MKRN3: variants seen among roughly 807,000 people sequenced by gnomAD.
The protein encoded by MKRN3 is makorin ring finger protein 3, also known as E3 ubiquitin-protein ligase makorin-3.
For missense variants in MKRN3, 749 were observed against 667.0 expected, an observed-to-expected ratio of 1.12 and a Z score of -1.35; for synonymous variants, 301 against 250.2, an observed-to-expected ratio of 1.20 and a Z score of -1.91.
rs1889099726 is a variant in MKRN3, at chr15:23,566,514, C to T, written c.732C>T (p.Cys244=). The T allele has an allele frequency of 6.2e-6, 10 of 1,614,176 alleles. No individual in the cohort carries two copies. The East Asian group carries it at 2.2e-4, about 36-fold the overall frequency. The change falls in exon 1 of 1, where the codon TGC becomes TGT. Residue 244 remains cysteine (C), a synonymous_variant. Coordinates refer to ENST00000314520, the MANE Select transcript of MKRN3 (RefSeq NM_005664.4). The part of the protein sequence containing the change: ...QMAVGSGLRF[C]YYASRGVCFR... ...CTGTGGGCAGTGGGTTGCGGTTTTG[C>T]TATTATGCTTCCAGGGGAGTTTGCT...
At position 23,568,032 on chromosome 15, in the gene MKRN3, A is replaced by G. The variant is rs1889143000; in HGVS notation, c.*726A>G. On this transcript the variant is annotated 3_prime_UTR_variant, in exon 1 of 1. Coordinates refer to ENST00000314520, the MANE Select transcript of MKRN3 (RefSeq NM_005664.4). ...ATACAGAGCTGAAAGCTGAAGGTCAAAGCCTAACAGGATTGGCTGTTGTGT... is the reference window on the plus strand; with the variant it reads ...ATACAGAGCTGAAAGCTGAAGGTCAGAGCCTAACAGGATTGGCTGTTGTGT... 1 of 630,798 alleles carries G rather than the reference A, an allele frequency of 1.6e-6. No homozygotes were observed. Among genetic ancestry groups the G allele is most frequent in the South Asian group, 7.2e-5 (1 of 13,966 alleles). 39.1% of individuals were successfully genotyped at this position (630,798 alleles called of 1,614,324 possible).
chr15:23,567,867 A>G lies in MKRN3; in HGVS notation c.*561A>G, dbSNP rs932239180. 11 of 954,112 alleles carry G rather than the reference A, an allele frequency of 1.2e-5. No individual in the cohort carries two copies. Among genetic ancestry groups the G allele is most frequent in the Non-Finnish European group, 1.3e-5 (10 of 788,492 alleles). The allele number at this position is 954,112 out of a possible 1,614,324, so 59.1% of individuals were successfully genotyped here. A position where few individuals can be genotyped will look rare whatever the true frequency, so the allele number is the denominator to read the frequency against. ...ATGTTTTTATCCTGTTTAGCTTGACATGAAATAATTTATATTTGGAAATAT... is the reference window on the plus strand; with the variant it reads ...ATGTTTTTATCCTGTTTAGCTTGACGTGAAATAATTTATATTTGGAAATAT... On this transcript the variant is annotated 3_prime_UTR_variant, in exon 1 of 1. Coordinates refer to ENST00000314520, the MANE Select transcript of MKRN3 (RefSeq NM_005664.4).
At position 23,566,477 on chromosome 15, in the gene MKRN3, G is replaced by A. The variant is rs749975105; in HGVS notation, c.695G>A (p.Arg232Lys). 6.2e-7 allele frequency: 1 copy of A among 1,614,122 alleles called. No homozygotes were observed. The highest frequency in any genetic ancestry group is 1.1e-5 in the South Asian group (1 of 91,086). Reference sequence around the variant, plus strand: ...CCTCTACAGAGCTCAGAGACTGAGAGGAAGCAGATGGCTGTGGGCAGTGGG... The same window carrying A: ...CCTCTACAGAGCTCAGAGACTGAGAAGAAGCAGATGGCTGTGGGCAGTGGG... The part of the protein sequence containing the change: ...EAPLQSSETE[R>K]KQMAVGSGLR... The change falls in exon 1 of 1, where the codon AGG (arginine) becomes AAG (lysine). Residue 232 changes from arginine to lysine, a missense_variant. Coordinates refer to ENST00000314520, the MANE Select transcript of MKRN3 (RefSeq NM_005664.4).
rs1428769772 is a variant in MKRN3, at chr15:23,567,385, T to TA, written c.*80dup. On this transcript the variant is annotated 3_prime_UTR_variant, in exon 1 of 1. Transcript: ENST00000314520. ...CCTGTTTTCCCTGTGTTGACACTCT[T>TA]ACTGCTTTCAGGGGCTGTTGAGGCA... The TA allele has an allele frequency of 6.4e-6, 10 of 1,555,774 alleles. No individual in the cohort carries two copies. Among genetic ancestry groups the TA allele is most frequent in the Admixed American group, 1.9e-5 (1 of 53,054 alleles).
chr15:23,567,679 CT>C lies in MKRN3; in HGVS notation c.*374del. On this transcript the variant is annotated 3_prime_UTR_variant, in exon 1 of 1. Transcript: ENST00000314520. ...TTTTAATTGAACTAGTAGCTTTGTGCTATAATAGCCTTAACAAATGGACCCT... is the reference window on the plus strand; with the variant it reads ...TTTTAATTGAACTAGTAGCTTTGTGCATAATAGCCTTAACAAATGGACCCT... 2.9e-6 allele frequency: 3 copies of C among 1,052,426 alleles called. No individual in the cohort carries two copies. The highest frequency in any genetic ancestry group is 3.5e-6 in the Non-Finnish European group (3 of 862,898). 65.2% of individuals were successfully genotyped at this position (1,052,426 alleles called of 1,614,324 possible).
chr15:23,566,166 T>A lies in MKRN3; in HGVS notation c.384T>A (p.Thr128=). 6.2e-7 allele frequency: 1 copy of A among 1,614,018 alleles called. No individual in the cohort carries two copies. Among genetic ancestry groups the A allele is most frequent in the Non-Finnish European group, 8.5e-7 (1 of 1,180,000 alleles). Residue 128 remains threonine (T), a synonymous_variant, in exon 1 of 1, where the codon ACT becomes ACA. Transcript: ENST00000314520. ...ACCTTTCTGGTCGGAAGATGGCCAC[T>A]GAGGGTGGCGTTTCGCCGCCTGGGG... ...SHDLSGRKMA[T]EGGVSPPGAS... is the part of the protein sequence containing the mutation.
chr15:23,566,910 C>T lies in MKRN3; in HGVS notation c.1128C>T (p.Phe376=), dbSNP rs1889109770. 6.2e-7 allele frequency: 1 copy of T among 1,614,188 alleles called. No individual in the cohort carries two copies. The highest frequency in any genetic ancestry group is 8.5e-7 in the Non-Finnish European group (1 of 1,180,044). ...VTSELVIPSE[F]WVEEEEEKQK... is the part of the protein sequence containing the mutation. ...CTGAATTGGTCATTCCCAGTGAGTT[C>T]TGGGTGGAGGAGGAGGAAGAGAAGC... is the stretch of plus-strand genomic sequence containing the variant. Residue 376 remains phenylalanine, a synonymous_variant, in exon 1 of 1, where the codon TTC becomes TTT. Coordinates refer to ENST00000314520, the MANE Select transcript of MKRN3 (RefSeq NM_005664.4).
At position 23,567,275 on chromosome 15, in the gene MKRN3, A is replaced by T. The variant is rs978063541; in HGVS notation, c.1493A>T (p.Glu498Val). ...SEDQWDLLHYELEEYFNLIL is the reference protein window; with the variant it reads ...SEDQWDLLHYVLEEYFNLIL The stretch of plus-strand genomic sequence containing the variant: ...GACCAGTGGGACTTGCTTCATTATG[A>T]GCTGGAAGAATATTTCAATTTGATT... The change falls in exon 1 of 1, where the codon GAG becomes GTG. Residue 498 changes from glutamate to valine, a missense_variant. Glu to Val is a moderately radical substitution (Grantham distance 121). Transcript: ENST00000314520. 1 of 1,614,146 alleles carries T rather than the reference A, an allele frequency of 6.2e-7. No homozygotes were observed. The highest frequency in any genetic ancestry group is 1.7e-5 in the Admixed American group (1 of 60,024).
rs1225593706 is a variant in MKRN3 at position 23,567,146 on chromosome 15, A to G, written c.1364A>G (p.Asn455Ser). 1.2e-6 allele frequency: 2 copies of G among 1,614,208 alleles called. No individual in the cohort carries two copies. The highest frequency in any genetic ancestry group is 2.2e-5 in the East Asian group (1 of 44,880). The change falls in exon 1 of 1, where the codon AAC becomes AGC. Residue 455 changes from asparagine (N) to serine (S), a missense_variant. Coordinates refer to ENST00000314520, the MANE Select transcript of MKRN3 (RefSeq NM_005664.4). ...GAGCCTGTGCGAATGGGAGAGGGCAACATGCTCTATAAAAGCATTAAGAAG... is the reference window on the plus strand; with the variant it reads ...GAGCCTGTGCGAATGGGAGAGGGCAGCATGCTCTATAAAAGCATTAAGAAG... ...LVEPVRMGEGNMLYKSIKKEL... is the reference protein window; with the variant it reads ...LVEPVRMGEGSMLYKSIKKEL...
Position 23,567,316 on chromosome 15 carries a change from G to A in MKRN3, c.*10G>A. The A allele has an allele frequency of 6.2e-7, 1 of 1,612,576 alleles. No individual in the cohort carries two copies. The highest frequency in any genetic ancestry group is 8.5e-7 in the Non-Finnish European group (1 of 1,179,076). On this transcript the variant is annotated 3_prime_UTR_variant, in exon 1 of 1. Coordinates refer to ENST00000314520, the MANE Select transcript of MKRN3 (RefSeq NM_005664.4). ...CAATTTGATTCTGTAGCATCGTGCT[G>A]TGGCATGTGGTCTAGTCTGCTGAGG...
rs879255240 is a variant in MKRN3, at chr15:23,566,877, G to C, written c.1095G>C (p.Arg365Ser). The C allele has an allele frequency of 6.2e-7, 1 of 1,614,206 alleles. No individual in the cohort carries two copies. Among genetic ancestry groups the C allele is most frequent in the Admixed American group, 1.7e-5 (1 of 60,024 alleles). Residue 365 changes from arginine (R) to serine (S), a missense_variant, in exon 1 of 1, where the codon AGG (arginine) becomes AGC (serine). Arg to Ser is a moderately radical substitution (Grantham distance 110). Transcript: ENST00000314520. ...TCGTCAAGTCTTGCCCACAGTGCAG[G>C]GTCACCTCTGAATTGGTCATTCCCA... ...NRIVKSCPQC[R>S]VTSELVIPSE...
Position 23,566,430 on chromosome 15 carries a change from G to A in MKRN3, c.648G>A (p.Trp216Ter), listed in dbSNP as rs748593317. Reference sequence around the variant, plus strand: ...CAGGGCAGCCCTACCGGGGCCGCTGGGTTGCATCTGCCCCCGAGGCTCCTC... The same window carrying A: ...CAGGGCAGCCCTACCGGGGCCGCTGAGTTGCATCTGCCCCCGAGGCTCCTC... ...FVPGQPYRGRWVASAPEAPLQ... is the reference protein window; with the variant it reads ...FVPGQPYRGR Residue 216 changes from tryptophan (W) to a stop codon, truncating the protein, a stop_gained, in exon 1 of 1, where the codon TGG becomes TGA. Transcript: ENST00000314520. LOFTEE classifies it low-confidence loss of function (END_TRUNC). 1 of 1,614,124 alleles carries A rather than the reference G, an allele frequency of 6.2e-7. No individual in the cohort carries two copies. The highest frequency in any genetic ancestry group is 8.5e-7 in the Non-Finnish European group (1 of 1,180,008).
Position 23,566,485 on chromosome 15 carries a change from A to G in MKRN3, c.703A>G (p.Met235Val). ...GAGCTCAGAGACTGAGAGGAAGCAGATGGCTGTGGGCAGTGGGTTGCGGTT... is the reference window on the plus strand; with the variant it reads ...GAGCTCAGAGACTGAGAGGAAGCAGGTGGCTGTGGGCAGTGGGTTGCGGTT... ...LQSSETERKQ[M>V]AVGSGLRFCY... is the part of the protein sequence containing the mutation. Residue 235 changes from methionine (M) to valine (V), a missense_variant, in exon 1 of 1, where the codon ATG becomes GTG. Transcript: ENST00000314520. 1 of 1,614,128 alleles carries G rather than the reference A, an allele frequency of 6.2e-7. No individual in the cohort carries two copies. The highest frequency in any genetic ancestry group is 8.5e-7 in the Non-Finnish European group (1 of 1,180,020).
At position 23,566,506 on chromosome 15, in the gene MKRN3, CG is replaced by C; in HGVS notation, c.726del (p.Cys244AlafsTer43). 6.2e-7 allele frequency: 1 copy of C among 1,614,050 alleles called. No homozygotes were observed. On this transcript the variant is annotated frameshift_variant, in exon 1 of 1. Transcript: ENST00000314520. LOFTEE classifies it low-confidence loss of function (END_TRUNC). ...RKQMAVGSGL[R>X]FCYYASRGVC... ...GCAGATGGCTGTGGGCAGTGGGTTG[CG>C]GTTTTGCTATTATGCTTCCAGGGGA...
rs1216045855 is a variant in MKRN3 at position 23,566,287 on chromosome 15, CCTGTGATTGGCTCGG to C, written c.509_523del (p.Val170_Ala174del). The C allele has an allele frequency of 6.2e-7, 1 of 1,613,996 alleles. No homozygotes were observed. Among genetic ancestry groups the C allele is most frequent in the Non-Finnish European group, 8.5e-7 (1 of 1,180,048 alleles). ...CCCGGCTGCATCCTCCCTTTCCTTG[CCTGTGATTGGCTCGG>C]CTGCTGAAAGGGGTTTCTTTGAAGC... On this transcript the variant is annotated inframe_deletion, in exon 1 of 1. Transcript: ENST00000314520.
rs750269411 is a variant in MKRN3, at chr15:23,566,269, G to A, written c.487G>A (p.Ala163Thr). The A allele has an allele frequency of 3.7e-5, 60 of 1,613,824 alleles. No individual in the cohort carries two copies. The highest frequency in any genetic ancestry group is 5.0e-5 in the Non-Finnish European group (59 of 1,180,046). Residue 163 changes from alanine to threonine, a missense_variant, in exon 1 of 1, where the codon GCA (alanine) becomes ACA (threonine). By Grantham distance (58) the Ala-to-Thr change is moderately conservative. Coordinates refer to ENST00000314520, the MANE Select transcript of MKRN3 (RefSeq NM_005664.4). ...TQEVAEAPPAASSLSLPVIGS... is the reference protein window; with the variant it reads ...TQEVAEAPPATSSLSLPVIGS... The stretch of plus-strand genomic sequence containing the variant: ...GGAAGTGGCGGAAGCCCCCCCGGCT[G>A]CATCCTCCCTTTCCTTGCCTGTGAT...
rs761098122 is a variant in MKRN3, at chr15:23,566,143, C to A, written c.361C>A (p.Leu121Ile). ...EGENCRYSHDLSGRKMATEGG... is the reference protein window; with the variant it reads ...EGENCRYSHDISGRKMATEGG... ...GGAGAACTGTCGCTATTCGCACGAC[C>A]TTTCTGGTCGGAAGATGGCCACTGA... The change falls in exon 1 of 1, where the codon CTT becomes ATT. Residue 121 changes from leucine to isoleucine, a missense_variant. Transcript: ENST00000314520. 1 of 1,614,114 alleles carries A rather than the reference C, an allele frequency of 6.2e-7. No individual in the cohort carries two copies. The highest frequency in any genetic ancestry group is 8.5e-7 in the Non-Finnish European group (1 of 1,180,008).
Position 23,567,505 on chromosome 15 carries a change from G to A in MKRN3, c.*199G>A. On this transcript the variant is annotated 3_prime_UTR_variant, in exon 1 of 1. Transcript: ENST00000314520. ...AATAAGTCCTTAAAGTTACTGTTTT[G>A]GTGAAATTAATATTAATGTCAGCTT... 2 of 1,411,164 alleles carry A rather than the reference G, an allele frequency of 1.4e-6. No individual in the cohort carries two copies. Among genetic ancestry groups the A allele is most frequent in the Non-Finnish European group, 1.8e-6 (2 of 1,081,134 alleles). The allele number at this position is 1,411,164 out of a possible 1,614,324, so 87.4% of individuals were successfully genotyped here. A position where few individuals can be genotyped will look rare whatever the true frequency, so the allele number is the denominator to read the frequency against.
In MKRN3 at chr15:23,566,543, G is replaced by C; in HGVS notation, c.761G>C (p.Arg254Pro). 1 of 1,614,178 alleles carries C rather than the reference G, an allele frequency of 6.2e-7. No homozygotes were observed. The highest frequency in any genetic ancestry group is 1.1e-5 in the South Asian group (1 of 91,076). Residue 254 changes from arginine to proline, a missense_variant, in exon 1 of 1, where the codon CGT becomes CCT. Physicochemically the swap from Arg to Pro is moderately radical, Grantham distance 103. Transcript: ENST00000314520. ...TATGCTTCCAGGGGAGTTTGCTTTC[G>C]TGGGGAGAGCTGTATGTACCTCCAT... ...CYYASRGVCF[R>P]GESCMYLHGD...
Sources: gnomAD v4.1 joint callset for allele counts on GRCh38, gnomAD v4.1.1 for gene constraint, MANE v1.5 for transcripts, NCBI Gene and HGNC (gene_info 2026-07-23, HGNC 2026-07-21) for gene names.